Variants in CASK observed in about 807,000 individuals in gnomAD.
The protein encoded by CASK is calcium/calmodulin dependent serine protein kinase.
In CASK, 4 loss-of-function variants were observed where a neutral mutation model predicts 82.9. The observed-to-expected ratio is 0.05, with a 90% confidence interval of 0.02 to 0.11. The LOEUF (loss-of-function observed/expected upper bound fraction) is 0.11. Among genes scored for constraint, CASK ranks in the 10% least tolerant of loss-of-function variants. The pLI is 1.00. For synonymous variants in CASK, 259 were observed against 253.5 expected (o/e 1.02, Z -0.20); for missense variants, 358 against 720.9 (o/e 0.50, Z 5.76).
chrX:41,705,319 G>A (rs1167741554), intron 5 of CASK, among the ~76,000 whole-genome samples: 4 of 112,187 alleles, frequency 3.6e-5, no homozygotes, highest in Non-Finnish European at 3.8e-5. Context: ...CATTCTGGGA[G>A]GCTGAGGTGG....
intron 25 of CASK, among the ~76,000 whole-genome samples, chrX:41,526,608 A>C (rs2064716864): frequency 8.9e-6 from 1 of 111,832 alleles, no homozygotes; most frequent in Admixed American, 9.5e-5. Flanking sequence ...TAAAACCATC[A>C]ATGGTGGCCA....
intron 3 of CASK, among the ~76,000 whole-genome samples, chrX:41,758,694 T>C (rs1363383862): frequency 8.9e-6 from 1 of 111,762 alleles, no homozygotes; most frequent in Non-Finnish European, 1.9e-5. Flanking sequence ...GGCCTCCTCT[T>C]GCACTGATAC....
chrX:41,555,196 T>C (rs2065145497), intron 20 of CASK, among the ~76,000 whole-genome samples: 1 of 112,412 alleles, frequency 8.9e-6, no homozygotes, highest in African/African-American at 3.2e-5. Context: ...AATACAAATT[T>C]AAGAAAAAGC....
chrX:41,853,341 T>C, intron 1 of CASK, 114 bp from the exon 2 acceptor site: 1 of 448,730 alleles, frequency 2.2e-6, no homozygotes. Flanking sequence ...CATTCTACTT[T>C]AGACTCCAAA....
chrX:41,727,819 T>C (rs763745953), intron 5 of CASK: 3 of 1,192,103 alleles, frequency 2.5e-6, no homozygotes, highest in Non-Finnish European at 3.4e-6. Flanking sequence ...CTTCCTTCCT[T>C]ATAGTATTTT....
chrX:41,592,982 C>T (rs1193303179), intron 12 of CASK, among the ~76,000 whole-genome samples: 1 of 111,799 alleles, frequency 8.9e-6, no homozygotes, highest in African/African-American at 3.3e-5. Context: ...ATACTCAGAC[C>T]AAATTTTTTT....
chrX:41,675,426 T>C (rs1030267521), intron 5 of CASK, among the ~76,000 whole-genome samples: 1 of 112,061 alleles, frequency 8.9e-6, no homozygotes, highest in African/African-American at 3.3e-5. Flanking sequence ...TGTAGGCAGT[T>C]TTCTTTGCTT....
intron 1 of CASK, among the ~76,000 whole-genome samples, chrX:41,885,318 A>C (rs1484978509): frequency 2.7e-5 from 3 of 112,290 alleles, no homozygotes; most frequent in Non-Finnish European, 5.6e-5. Context: ...TCTCAGCTCT[A>C]GAATTCTAGG....
chrX:41,806,377 A>C (rs1359208796), intron 2 of CASK, among the ~76,000 whole-genome samples: 1 of 112,403 alleles, frequency 8.9e-6, no homozygotes, highest in Admixed American at 9.4e-5. Context: ...CAGAAACAAT[A>C]GATGGCAAAA....
intron 8 of CASK, among the ~76,000 whole-genome samples, chrX:41,643,891 T>G (rs1170996974): frequency 8.9e-6 from 1 of 112,104 alleles, no homozygotes; most frequent in Non-Finnish European, 1.9e-5. Flanking sequence ...GCCCATTCAG[T>G]ATGATATTGG....
At chrX:41,708,555 C>T (rs1363371927) in intron 5 of CASK, among the ~76,000 whole-genome samples, 1 of 112,164 alleles carries the variant, frequency 8.9e-6, no homozygotes, top group African/African-American at 3.2e-5. Context: ...ACCGGGCTTT[C>T]ATCTTAAGGA....
intron 12 of CASK, among the ~76,000 whole-genome samples, chrX:41,599,502 G>A (rs1046903381): frequency 8.9e-6 from 1 of 112,082 alleles, no homozygotes; most frequent in African/African-American, 3.2e-5. Context: ...GAACCTCTAA[G>A]GAGGCCCTTG....
At chrX:41,856,498 G>C (rs1302426016) in intron 1 of CASK, among the ~76,000 whole-genome samples, 1 of 111,403 alleles carries the variant, frequency 9.0e-6, no homozygotes, top group Non-Finnish European at 1.9e-5. Context: ...TAGAGTTAAA[G>C]TAACAAGGTT....
chrX:41,710,075 T>C (rs1327702540), intron 5 of CASK, among the ~76,000 whole-genome samples: 4 of 62,805 alleles, frequency 6.4e-5, no homozygotes, highest in African/African-American at 1.1e-4. Flanking sequence ...TCCCAGGGTA[T>C]AGATTTTGTG....
chrX:41,515,151 C>T lies in CASK; in HGVS notation c.*5269G>A, dbSNP rs963232415. The T allele has an allele frequency of 8.9e-6, 1 of 112,140 alleles. No homozygotes were observed. Among genetic ancestry groups the T allele is most frequent in the East Asian group, 2.8e-4 (1 of 3,568 alleles). 9.2% of individuals were successfully genotyped at this position (112,140 alleles called of 1,213,427 possible). On this transcript the variant is annotated 3_prime_UTR_variant, in exon 27 of 27. Transcript: ENST00000378163. ...CGCACCAGCATTCTGGTTGTTCCGG[C>T]GACAGGGCAAAGGGATCAGGATGGG...
intron 7 of CASK, 139 bp downstream of exon 7, chrX:41,665,138 A>T: frequency 1.5e-5 from 8 of 522,918 alleles, no homozygotes; most frequent in Non-Finnish European, 2.6e-5. Flanking sequence ...TGGATCAATG[A>T]TGTAAGCAAA....
At chrX:41,592,601 C>A (rs1050827347) in intron 12 of CASK, among the ~76,000 whole-genome samples, 5 of 110,999 alleles carry the variant, frequency 4.5e-5, no homozygotes, top group African/African-American at 9.8e-5. Flanking sequence ...CCTGGACCCC[C>A]CTCCAGACCT....
At chrX:41,598,408 A>C (rs1416165944) in intron 12 of CASK, among the ~76,000 whole-genome samples, 1 of 111,452 alleles carries the variant, frequency 9.0e-6, no homozygotes, top group East Asian at 2.8e-4. Flanking sequence ...ATGGAGTGCA[A>C]TGGCACGATC....
chrX:41,520,417 G>A lies in CASK; in HGVS notation c.*3C>T. 8.3e-7 allele frequency: 1 copy of A among 1,200,163 alleles called. No individual in the cohort carries two copies. The highest frequency in any genetic ancestry group is 1.1e-6 in the Non-Finnish European group (1 of 886,177). On this transcript the variant is annotated 3_prime_UTR_variant, in exon 27 of 27. Transcript: ENST00000378163. Reference sequence around the variant, plus strand: ...AGTTATGCTCAGATATCTGGGGAGAGGCCTAATAGACCCAGGAGACAGGGA... The same window carrying A: ...AGTTATGCTCAGATATCTGGGGAGAAGCCTAATAGACCCAGGAGACAGGGA...
Sources: allele counts gnomAD v4.1 joint callset (sites outside exome capture counted in the v4.1 genomes callset), GRCh38; gene constraint gnomAD v4.1.1; transcripts MANE v1.5; gene names NCBI Gene and HGNC (gene_info 2026-07-23, HGNC 2026-07-21).